NUBPL: variants seen among roughly 807,000 people sequenced by gnomAD.
NUBPL encodes iron-sulfur cluster transfer protein NUBPL.
In NUBPL, 31 loss-of-function variants were observed where a neutral mutation model predicts 45.7. The observed-to-expected ratio is 0.68, with a 90% CI of 0.51 to 0.92. The LOEUF is 0.92. NUBPL is among the 40% of genes least tolerant of loss of function. NUBPL has a pLI of 0.00. For synonymous variants in NUBPL, 144 were observed against 140.9 expected (o/e 1.02, Z -0.15); for missense variants, 401 against 398.7 (o/e 1.01, Z -0.05).
At position 31,669,797 on chromosome 14, in the gene NUBPL, G is replaced by GTTTTTTTTT. The variant is rs1211411877; in HGVS notation, c.383-3555_383-3547dup. Among the ~76,000 whole-genome samples, 205 of 68,626 alleles carry GTTTTTTTTT rather than the reference G, an allele frequency of 3.0e-3. 29 individuals carry two copies. The highest frequency in any genetic ancestry group is 4.6e-3 in the Admixed American group (18 of 3,908). The allele number at this position is 68,626 out of a possible 152,430, so 45.0% of individuals were successfully genotyped here. A position where few individuals can be genotyped will look rare whatever the true frequency, so the allele number is the denominator to read the frequency against. On this transcript the variant is annotated intron_variant, in intron 4 of 10. Transcript: ENST00000281081. ...TCTTCCTGCAAAAGACATGATCTTG[G>GTTTTTTTTT]TTTTTTTTTTTGTTTTTTTTTTTTT...
chr14:31,791,272 T>A (rs2039377303), intron 7 of NUBPL, among the ~76,000 whole-genome samples: 2 of 152,130 alleles, frequency 1.3e-5, no homozygotes, highest in Non-Finnish European at 2.9e-5. Flanking sequence ...AATAAGACCC[T>A]GTCTCAAAAA....
chr14:31,777,561 C>A (rs1450025112), intron 6 of NUBPL, among the ~76,000 whole-genome samples: 1 of 152,094 alleles, frequency 6.6e-6, no homozygotes, highest in Admixed American at 6.6e-5. Context: ...AAATGCTTAG[C>A]CCAAATATGA....
intron 7 of NUBPL, among the ~76,000 whole-genome samples, chr14:31,790,811 A>T (rs1440279488): frequency 6.6e-6 from 1 of 152,134 alleles, no homozygotes; most frequent in African/African-American, 2.4e-5. Flanking sequence ...AGATCGCGCC[A>T]CTGCACTCCA....
chr14:31,573,737 A>G (rs534782080), intron 3 of NUBPL, among the ~76,000 whole-genome samples: 2 of 152,222 alleles, frequency 1.3e-5, no homozygotes, highest in East Asian at 3.9e-4. Context: ...TTCTTTTACT[A>G]TTATTCCAGC....
chr14:31,591,008 AAAG>A (rs1241335492), intron 3 of NUBPL, among the ~76,000 whole-genome samples: 5 of 152,140 alleles, frequency 3.3e-5, no homozygotes, highest in African/African-American at 9.7e-5. Context: ...TTTTCTTGTT[AAAG>A]AAGAAGTTGC....
At position 31,799,317 on chromosome 14, in the gene NUBPL, C is replaced by T. The variant is rs1377499977; in HGVS notation, c.607+11444C>T. Among the ~76,000 whole-genome samples, 4 of 152,190 alleles carry T rather than the reference C, an allele frequency of 2.6e-5. No homozygotes were observed. In the East Asian group the frequency reaches 7.8e-4, roughly 30 times the overall value. ...TGGATGGAATATTTACATTCATTAT[C>T]TTATTTGATCCTTACAAGTCTGTGG... On this transcript the variant is annotated intron_variant, in intron 7 of 10. Transcript: ENST00000281081.
chr14:31,793,617 A>G (rs147997571), intron 7 of NUBPL, among the ~76,000 whole-genome samples: 47 of 152,276 alleles, frequency 3.1e-4, no homozygotes, highest in African/African-American at 1.1e-3. Context: ...GAAATGTTGA[A>G]TCAATGAATG....
chr14:31,667,694 A>T (rs1252198543), intron 4 of NUBPL: 5 of 152,076 alleles, frequency 3.3e-5, no homozygotes, highest in Non-Finnish European at 7.4e-5. Context: ...GGATTTATCT[A>T]CCTTTGATCT....
chr14:31,792,683 T>C (rs2039404581), intron 7 of NUBPL, among the ~76,000 whole-genome samples: 3 of 151,940 alleles, frequency 2.0e-5, no homozygotes, highest in Non-Finnish European at 4.4e-5. Context: ...AGCAAGGAAA[T>C]GCAGATAAAC....
chr14:31,839,292 T>C (rs929271413), intron 8 of NUBPL, among the ~76,000 whole-genome samples: 3 of 152,084 alleles, frequency 2.0e-5, no homozygotes, highest in East Asian at 3.9e-4. Context: ...AATAGAACAA[T>C]AGAGAGCCTA....
At chr14:31,743,575 T>C (rs2038331426) in intron 6 of NUBPL, among the ~76,000 whole-genome samples, 2 of 152,174 alleles carry the variant, frequency 1.3e-5, no homozygotes, top group African/African-American at 4.8e-5. Flanking sequence ...AGATGGGATT[T>C]CGCCGTGTTG....
intron 6 of NUBPL, among the ~76,000 whole-genome samples, chr14:31,760,176 A>AGAGAGAGAGAGAGAGAGAGAGG: frequency 6.8e-6 from 1 of 147,146 alleles, no homozygotes; most frequent in African/African-American, 2.5e-5. Context: ...AGAGAGAGAG[A>AGAGAGAGAGAGAGAGAGAGAGG]GAGAGACAGG....
At chr14:31,836,516 G>A (rs1595695511) in intron 8 of NUBPL, among the ~76,000 whole-genome samples, 1 of 152,144 alleles carries the variant, frequency 6.6e-6, no homozygotes, top group African/African-American at 2.4e-5. Context: ...ATTTGGCGGG[G>A]AAGACATCAT....
chr14:31,638,021 A>C (rs899550883), intron 4 of NUBPL, among the ~76,000 whole-genome samples: 2 of 152,136 alleles, frequency 1.3e-5, no homozygotes, highest in African/African-American at 4.8e-5. Flanking sequence ...CAGCACACGG[A>C]TGGGTCTTGA....
intron 8 of NUBPL, among the ~76,000 whole-genome samples, chr14:31,840,228 T>A (rs113443745): frequency 1.3e-5 from 2 of 152,186 alleles, no homozygotes; most frequent in Admixed American, 1.3e-4. Flanking sequence ...TTTAAAAATG[T>A]GTACACACAC....
At chr14:31,632,761 T>C (rs1224012201) in intron 4 of NUBPL, among the ~76,000 whole-genome samples, 1 of 152,194 alleles carries the variant, frequency 6.6e-6, no homozygotes, top group Non-Finnish European at 1.5e-5. Context: ...ATATTAAAAA[T>C]TAATCAAGTT....
At chr14:31,574,741 C>T (rs1025771946) in intron 3 of NUBPL, among the ~76,000 whole-genome samples, 3 of 150,938 alleles carry the variant, frequency 2.0e-5, no homozygotes. Context: ...AGGCACATGC[C>T]CAGCTAATTT....
At chr14:31,785,648 TTGTC>T (rs1283396450) in intron 6 of NUBPL, among the ~76,000 whole-genome samples, 2 of 152,148 alleles carry the variant, frequency 1.3e-5, no homozygotes, top group East Asian at 1.9e-4. Flanking sequence ...CCTGATTTGT[TTGTC>T]TGTCTATCTG....
At chr14:31,642,626 T>C (rs893462742) in intron 4 of NUBPL, among the ~76,000 whole-genome samples, 1 of 152,210 alleles carries the variant, frequency 6.6e-6, no homozygotes, top group African/African-American at 2.4e-5. Context: ...GTGTGATGCA[T>C]CCATCTTTGT....
Sources: gnomAD v4.1 joint callset for allele counts (sites outside exome capture counted in the v4.1 genomes callset) on GRCh38, gnomAD v4.1.1 for gene constraint, MANE v1.5 for transcripts, NCBI Gene and HGNC (gene_info 2026-07-23, HGNC 2026-07-21) for gene names.